The following IL4R variants were observed in gnomAD, a reference collection of about 807,000 sequenced individuals.
IL4R encodes interleukin-4 receptor subunit alpha.
In IL4R, 17 loss-of-function variants were observed where a neutral mutation model predicts 41.5. The ratio of observed to expected loss-of-function variants is 0.41; its 90% confidence interval spans 0.28 to 0.61. The LOEUF is 0.61. Ranked by LOEUF, IL4R falls within the 20% of genes least tolerant of loss-of-function variation. IL4R has a pLI of 0.31. For synonymous variants in IL4R, 402 were observed against 422.9 expected (o/e 0.95, Z 0.61); for missense variants, 974 against 1,043.1 (o/e 0.93, Z 0.91).
At chr16:27,341,585 C>G (rs183938243) in intron 3 of IL4R, among the ~76,000 whole-genome samples, 4 of 152,108 alleles carry the variant, frequency 2.6e-5, no homozygotes, top group Admixed American at 6.6e-5. Flanking sequence ...AGAAGGACCC[C>G]GATGTCTCCT....
chr16:27,319,866 C>G (rs768799701), intron 1 of IL4R, among the ~76,000 whole-genome samples: 8 of 152,074 alleles, frequency 5.3e-5, no homozygotes, highest in Non-Finnish European at 1.2e-4. Flanking sequence ...ATCTGGGTTG[C>G]GTACTTTTTC....
intron 7 of IL4R, among the ~76,000 whole-genome samples, chr16:27,353,464 A>C (rs1038515332): frequency 6.6e-6 from 1 of 152,168 alleles, no homozygotes; most frequent in South Asian, 2.1e-4. Flanking sequence ...ATCTATAAAT[A>C]ATAAGTTCTA....
chr16:27,364,530 C>G lies in IL4R; in HGVS notation c.*700C>G, dbSNP rs941118799. The G allele has an allele frequency of 6.6e-6, 1 of 152,176 alleles. No individual in the cohort carries two copies. Among genetic ancestry groups the G allele is most frequent in the Non-Finnish European group, 1.5e-5 (1 of 68,054 alleles). 9.4% of individuals were successfully genotyped at this position (152,176 alleles called of 1,614,324 possible). A position where few individuals can be genotyped will look rare whatever the true frequency, so the allele number is the denominator to read the frequency against. ...CCCAGCTGTATGGCTGGGGGCTCCT[C>G]GTATGCATGGAACCCCCAGAATAAA... On this transcript the variant is annotated 3_prime_UTR_variant, in exon 11 of 11. Transcript: ENST00000395762.
Position 27,346,599 on chromosome 16 carries a change from G to A in IL4R, c.494G>A (p.Ser165Asn). 6.2e-7 allele frequency: 1 copy of A among 1,614,158 alleles called. No homozygotes were observed. The highest frequency in any genetic ancestry group is 8.5e-7 in the Non-Finnish European group (1 of 1,180,018). The change falls in exon 6 of 11, where the codon AGT becomes AAT. Residue 165 changes from serine to asparagine, a missense_variant. By Grantham distance (46) the Ser-to-Asn change is conservative. Coordinates refer to ENST00000395762, the MANE Select transcript of IL4R (RefSeq NM_000418.4). Reference sequence around the variant, plus strand: ...CTCACCTATGCAGTCAACATTTGGAGTGAAAACGACCCGGCAGATGTGAGT... The same window carrying A: ...CTCACCTATGCAGTCAACATTTGGAATGAAAACGACCCGGCAGATGTGAGT... ...NHLTYAVNIW[S>N]ENDPADFRIY...
intron 2 of IL4R, among the ~76,000 whole-genome samples, chr16:27,332,024 CTGGAGTTCAGTGGCA>C (rs1392307001): frequency 2.0e-5 from 3 of 151,938 alleles, no homozygotes; most frequent in Non-Finnish European, 4.4e-5. Flanking sequence ...GTTGCCCAGG[CTGGAGTTCAGTGGCA>C]TGAACACAGC....
chr16:27,346,424 A>C (rs2085645541), intron 5 of IL4R, 43 bp from the exon 6 acceptor site: 1 of 1,606,526 alleles, frequency 6.2e-7, no homozygotes. Flanking sequence ...GTGATGGGGG[A>C]GTCACTGCAT....
chr16:27,344,287 A>G (rs1229703282), intron 4 of IL4R, among the ~76,000 whole-genome samples: 2 of 150,554 alleles, frequency 1.3e-5, no homozygotes, highest in Non-Finnish European at 3.0e-5. Flanking sequence ...CCTGGGTGAC[A>G]GTGAGACTTT....
chr16:27,364,201 C>T lies in IL4R; in HGVS notation c.*371C>T. The T allele has an allele frequency of 5.1e-6, 1 of 195,460 alleles. No individual in the cohort carries two copies. Among genetic ancestry groups the T allele is most frequent in the Non-Finnish European group, 1.0e-5 (1 of 96,560 alleles). 12.1% of individuals were successfully genotyped at this position (195,460 alleles called of 1,614,324 possible). On this transcript the variant is annotated 3_prime_UTR_variant, in exon 11 of 11. Transcript: ENST00000395762. ...TTGTAACTGCCCAAGGCATGTTTTG[C>T]CCACCAGATCATGGCCCACGTGGAG...
chr16:27,361,103 G>C, intron 10 of IL4R: 1 of 1,244,224 alleles, frequency 8.0e-7, no homozygotes, highest in Non-Finnish European at 1.0e-6. Context: ...TGACCTAATT[G>C]TATACTTGTC....
In IL4R at chr16:27,346,463, G is replaced by T. The variant is rs3024570; in HGVS notation, c.362-4G>T. On this transcript the variant is annotated splice_polypyrimidine_tract_variant and splice_region_variant and intron_variant, in intron 5 of 10. Transcript: ENST00000395762. ...TCCTCACATAGAGGCCGCTTCTCCC[G>T]CAGTGAAACCCAGGGCCCCAGGAAA... The T allele has an allele frequency of 5.6e-6, 9 of 1,613,768 alleles. No homozygotes were observed. The highest frequency in any genetic ancestry group is 7.6e-6 in the Non-Finnish European group (9 of 1,179,940).
intron 9 of IL4R, chr16:27,359,705 G>T: frequency 7.0e-6 from 3 of 428,710 alleles, no homozygotes. Flanking sequence ...TCCTCTTGTG[G>T]GTTATAACAG....
At chr16:27,325,494 A>G (rs1390866419) in intron 1 of IL4R, among the ~76,000 whole-genome samples, 2 of 151,858 alleles carry the variant, frequency 1.3e-5, no homozygotes, top group Non-Finnish European at 2.9e-5. Context: ...GAACTACTTG[A>G]ACCTGGGAGA....
At chr16:27,351,262 T>G (rs2085860462) in intron 6 of IL4R, among the ~76,000 whole-genome samples, 1 of 152,208 alleles carries the variant, frequency 6.6e-6, no homozygotes. Context: ...ATGTGCCCTT[T>G]GCAAAGCCAT....
chr16:27,355,658 T>C, intron 7 of IL4R, 150 bp from the exon 8 acceptor site: 1 of 587,414 alleles, frequency 1.7e-6, no homozygotes, highest in South Asian at 1.9e-5. Context: ...AGAGGGAGAG[T>C]GGTGGGGAGA....
rs1004424583 is a variant in IL4R at position 27,334,142 on chromosome 16, G to A, written c.-19+3944G>A. Among the ~76,000 whole-genome samples the A allele has an allele frequency of 2.6e-5, 4 of 152,068 alleles. No homozygotes were observed. The South Asian group carries it at 6.2e-4, about 24-fold the overall frequency. On this transcript the variant is annotated intron_variant, in intron 2 of 10. Transcript: ENST00000395762. ...CATGATCTGCCTGCCTCAGCCTCCC[G>A]AAGTGCTGGGATTACAGGCGTGAGC...
At chr16:27,355,080 G>A (rs958010537) in intron 7 of IL4R, 8 of 442,668 alleles carry the variant, frequency 1.8e-5, no homozygotes, top group Non-Finnish European at 2.9e-5. Flanking sequence ...GGGAATCGGC[G>A]ATGAACAAAG....
In IL4R at chr16:27,346,542, C is replaced by A. The variant is rs139150588; in HGVS notation, c.437C>A (p.Pro146Gln). 1.2e-6 allele frequency: 2 copies of A among 1,614,040 alleles called. No individual in the cohort carries two copies. Among genetic ancestry groups the A allele is most frequent in the South Asian group, 1.1e-5 (1 of 91,080 alleles). ...ACTCTGCTGCTGACCTGGAGCAACCCGTATCCCCCTGACAATTACCTGTAT... is the reference window on the plus strand; with the variant it reads ...ACTCTGCTGCTGACCTGGAGCAACCAGTATCCCCCTGACAATTACCTGTAT... ...SDTLLLTWSNPYPPDNYLYNH... is the reference protein window; with the variant it reads ...SDTLLLTWSNQYPPDNYLYNH... The change falls in exon 6 of 11, where the codon CCG becomes CAG. Residue 146 changes from proline to glutamine, a missense_variant. Physicochemically the swap from Pro to Gln is moderately conservative, Grantham distance 76. This residue lies in a region of IL4R where 284 missense variants were observed against 313.4 expected (regional missense o/e 0.91). Coordinates refer to ENST00000395762, the MANE Select transcript of IL4R (RefSeq NM_000418.4).
chr16:27,342,784 G>A (rs1161709100), intron 4 of IL4R, among the ~76,000 whole-genome samples: 1 of 152,146 alleles, frequency 6.6e-6, no homozygotes, highest in African/African-American at 2.4e-5. Context: ...GTGAGCCGCT[G>A]TATCCGGCCC....
chr16:27,355,654 A>G lies in IL4R; in HGVS notation c.671-154A>G, dbSNP rs141868881. The G allele has an allele frequency of 9.2e-4, 539 of 586,688 alleles. 8 individuals carry two copies. Among genetic ancestry groups the G allele is most frequent in the African/African-American group, 6.1e-3 (325 of 53,522 alleles). The allele number at this position is 586,688 out of a possible 1,614,324, so 36.3% of individuals were successfully genotyped here. A position where few individuals can be genotyped will look rare whatever the true frequency, so the allele number is the denominator to read the frequency against. ...GACGAGGACTCAATGTGCAAGAGGG[A>G]GAGTGGTGGGGAGATGAGGTGGAGG... is the stretch of plus-strand genomic sequence containing the variant. On this transcript the variant is annotated intron_variant, in intron 7 of 10. Transcript: ENST00000395762.
Sources: gnomAD v4.1 joint callset for allele counts (sites outside exome capture counted in the v4.1 genomes callset) on GRCh38, gnomAD v4.1.1 for gene constraint, gnomAD v4.1.1 regional missense constraint, MANE v1.5 for transcripts, NCBI Gene and HGNC (gene_info 2026-07-23, HGNC 2026-07-21) for gene names.